Variants in RUBCN observed in about 807,000 individuals in gnomAD.
RUBCN encodes the protein run domain Beclin-1-interacting and cysteine-rich domain-containing protein.
A neutral mutation model predicts 113.2 loss-of-function variants in RUBCN; 74 were observed. That is an observed-to-expected ratio of 0.65 (90% CI 0.54 to 0.79). The LOEUF (loss-of-function observed/expected upper bound fraction) is 0.79, where lower values mean the gene tolerates loss of function less well. Ranked by LOEUF, RUBCN falls within the 30% of genes least tolerant of loss-of-function variation. The pLI, the probability that RUBCN is intolerant of heterozygous loss-of-function variation, is 0.00. For synonymous variants in RUBCN, 480 were observed against 490.0 expected, an observed-to-expected ratio of 0.98 and a Z score of 0.27; for missense variants, 1,109 against 1,251.7, an observed-to-expected ratio of 0.89 and a Z score of 1.72.
At chr3:197,730,369 T>A (rs1213826822) in intron 1 of RUBCN, among the ~76,000 whole-genome samples, 1 of 152,036 alleles carries the variant, frequency 6.6e-6, no homozygotes. Context: ...AGCCCCGGGA[T>A]TTTTGCTTTT....
chr3:197,680,134 G>A (rs1414532262), intron 16 of RUBCN, among the ~76,000 whole-genome samples: 2 of 114,976 alleles, frequency 1.7e-5, no homozygotes, highest in African/African-American at 7.0e-5. Context: ...ACTGTCCTAC[G>A]CTCTGACAAC....
At position 197,670,829 on chromosome 3, in the gene RUBCN, G is replaced by C. The variant is rs974262113; in HGVS notation, c.*4189C>G. Among the ~76,000 whole-genome samples the C allele has an allele frequency of 2.6e-5, 4 of 152,186 alleles. No individual in the cohort carries two copies. Among genetic ancestry groups the C allele is most frequent in the Admixed American group, 2.6e-4 (4 of 15,268 alleles). On this transcript the variant is annotated 3_prime_UTR_variant, in exon 20 of 20. Transcript: ENST00000296343. ...TAATAAAGTGACTGAAGGACATTTG[G>C]GATGTGTGTCCTCTGATGATGACTG...
chr3:197,736,285 T>G (rs1279736232), intron 1 of RUBCN, among the ~76,000 whole-genome samples: 1 of 152,146 alleles, frequency 6.6e-6, no homozygotes, highest in Non-Finnish European at 1.5e-5. Flanking sequence ...CAAGTTTCAG[T>G]CCGGGTGGTG....
Position 197,704,549 on chromosome 3 carries a change from G to C in RUBCN, c.456C>G (p.Phe152Leu). The C allele has an allele frequency of 6.2e-7, 1 of 1,614,210 alleles. No homozygotes were observed. The highest frequency in any genetic ancestry group is 1.7e-4 in the Middle Eastern group (1 of 6,060). ...TAAGTGGCCTCTACCTACCTGTGTA[G>C]AATTTTCTGATATACTGTCTATCCC... ...LLGDRQYIRKFYTDAAFLLSD... is the reference protein window; with the variant it reads ...LLGDRQYIRKLYTDAAFLLSD... The change falls in exon 4 of 20, where the codon TTC (phenylalanine) becomes TTG (leucine). Residue 152 changes from phenylalanine to leucine, a missense_variant. By Grantham distance (22) the Phe-to-Leu change is conservative. Coordinates refer to ENST00000296343, the MANE Select transcript of RUBCN (RefSeq NM_014687.4).
intron 2 of RUBCN, among the ~76,000 whole-genome samples, chr3:197,717,317 G>A (rs964757201): frequency 6.6e-5 from 10 of 152,014 alleles, no homozygotes; most frequent in Non-Finnish European, 1.5e-4. Context: ...GGTGGCGGGC[G>A]CCTGTAGTCC....
chr3:197,694,078 C>G (rs1275644698), intron 10 of RUBCN: 2 of 562,366 alleles, frequency 3.6e-6, no homozygotes, highest in South Asian at 3.1e-5. Flanking sequence ...ATATTTAGAG[C>G]TGGGGTTTCA....
At chr3:197,746,444 T>C (rs1183963145) in intron 1 of RUBCN, among the ~76,000 whole-genome samples, 1 of 152,258 alleles carries the variant, frequency 6.6e-6, no homozygotes, top group African/African-American at 2.4e-5. Context: ...TACAACTACA[T>C]GCTGCTTGAC....
At chr3:197,738,803 G>A (rs931446927), upstream of RUBCN, among the ~76,000 whole-genome samples, 5 of 151,422 alleles carry the variant, frequency 3.3e-5, no homozygotes, top group African/African-American at 1.2e-4. Context: ...TGCTGCCTAA[G>A]CTGGTCTCAA....
Position 197,700,858 on chromosome 3 carries a change from C to G in RUBCN, c.1016G>C (p.Cys339Ser), listed in dbSNP as rs1031101809. The change falls in exon 7 of 20, where the codon TGT becomes TCT. Residue 339 changes from cysteine (C) to serine (S), a missense_variant. This residue lies in a region of RUBCN where 736 missense variants were observed against 779.6 expected (regional missense o/e 0.94). Transcript: ENST00000296343. Reference protein sequence around the residue: ...NLDPRGRTASCQSHSSNAESS... With the variant: ...NLDPRGRTASSQSHSSNAESS... ...CTCGGCATTGCTGCTGTGACTCTGA[C>G]AGCTGGCAGTCCGGCCTCGGGGGTC... The G allele has an allele frequency of 4.3e-6, 7 of 1,614,220 alleles. No homozygotes were observed. Among genetic ancestry groups the G allele is most frequent in the South Asian group, 1.1e-5 (1 of 91,082 alleles).
rs1300255099 is a variant in RUBCN, at chr3:197,673,666, G to C, written c.*1352C>G. 1 of 151,428 alleles carries C rather than the reference G, an allele frequency of 6.6e-6. No homozygotes were observed. Among genetic ancestry groups the C allele is most frequent in the Non-Finnish European group, 1.5e-5 (1 of 68,574 alleles). The allele number at this position is 151,428 out of a possible 1,614,324, so 9.4% of individuals were successfully genotyped here. A position where few individuals can be genotyped will look rare whatever the true frequency, so the allele number is the denominator to read the frequency against. On this transcript the variant is annotated 3_prime_UTR_variant, in exon 20 of 20. Coordinates refer to ENST00000296343, the MANE Select transcript of RUBCN (RefSeq NM_014687.4). Reference sequence around the variant, plus strand: ...ACTGTCAACACACACATTAACGGGGGGGAAGGGGGAGGCAGCACACCAAAA... The same window carrying C: ...ACTGTCAACACACACATTAACGGGGCGGAAGGGGGAGGCAGCACACCAAAA...
chr3:197,712,435 T>C (rs4857587), intron 2 of RUBCN, among the ~76,000 whole-genome samples: 152,267 of 152,306 alleles, frequency 1, 76,115 homozygotes, highest in Middle Eastern at 1. Flanking sequence ...CCCCTCCTCC[T>C]GACGAGGGCA....
Position 197,700,992 on chromosome 3 carries a change from C to T in RUBCN, c.882G>A (p.Met294Ile). The T allele has an allele frequency of 6.2e-7, 1 of 1,614,156 alleles. No individual in the cohort carries two copies. The highest frequency in any genetic ancestry group is 8.5e-7 in the Non-Finnish European group (1 of 1,180,012). ...ARDSPLTPNE[M>I]SSSTLTSPIE... The stretch of plus-strand genomic sequence containing the variant: ...TGGGGCTGGTCAGAGTACTGGAGCT[C>T]ATTTCATTTGGGGTCAAAGGGGAAT... Residue 294 changes from methionine to isoleucine, a missense_variant, in exon 7 of 20, where the codon ATG (methionine) becomes ATA (isoleucine). Physicochemically the swap from Met to Ile is conservative, Grantham distance 10 (BLOSUM62 1). Coordinates refer to ENST00000296343, the MANE Select transcript of RUBCN (RefSeq NM_014687.4).
At chr3:197,676,781 A>G in intron 18 of RUBCN, 104 bp downstream of exon 18, 3 of 1,596,440 alleles carry the variant, frequency 1.9e-6, no homozygotes, top group South Asian at 2.2e-5. Flanking sequence ...CTGACTGGCC[A>G]TTTCAACTTC....
intron 14 of RUBCN, 35 bp downstream of exon 14, chr3:197,682,435 C>T: frequency 6.2e-7 from 1 of 1,613,676 alleles, no homozygotes; most frequent in Non-Finnish European, 8.5e-7. Flanking sequence ...GAGGACGGAT[C>T]TGTGCTCCAA....
chr3:197,686,677 T>C lies in RUBCN; in HGVS notation c.1787-2460A>G, dbSNP rs111425054. On this transcript the variant is annotated intron_variant, in intron 11 of 19. Transcript: ENST00000296343. ...AGAGAGGGGGAGCTGCCCATCTGGA[T>C]GGATTCAACGTGTCCCAAGTGAGAG... 9.8e-5 allele frequency among the ~76,000 whole-genome samples: 15 copies of C among 152,346 alleles called. 1 individual carries two copies. Among genetic ancestry groups the C allele is most frequent in the African/African-American group, 3.1e-4 (13 of 41,578 alleles).
chr3:197,746,612 T>C (rs1196999648), intron 1 of RUBCN, among the ~76,000 whole-genome samples: 1 of 152,220 alleles, frequency 6.6e-6, no homozygotes, highest in African/African-American at 2.4e-5. Flanking sequence ...AAAAAATCAC[T>C]GTTTATCTGA....
Position 197,674,074 on chromosome 3 carries a change from A to G in RUBCN, c.*944T>C, listed in dbSNP as rs557622686. On this transcript the variant is annotated 3_prime_UTR_variant, in exon 20 of 20. Coordinates refer to ENST00000296343, the MANE Select transcript of RUBCN (RefSeq NM_014687.4). The stretch of plus-strand genomic sequence containing the variant: ...AGGACAGAGTCATCAGGGACACGCT[A>G]AGAAGATGGTGGGTGAGGTTCCTGT... 2 of 152,432 alleles carry G rather than the reference A, an allele frequency of 1.3e-5. No homozygotes were observed. Among genetic ancestry groups the G allele is most frequent in the East Asian group, 3.9e-4 (2 of 5,192 alleles). 9.4% of individuals were successfully genotyped at this position (152,432 alleles called of 1,614,324 possible). A position where few individuals can be genotyped will look rare whatever the true frequency, so the allele number is the denominator to read the frequency against.
rs1375492146 is a variant in RUBCN at position 197,681,942 on chromosome 3, G to A, written c.2127-43C>T. 1.7e-5 allele frequency: 25 copies of A among 1,503,000 alleles called. No individual in the cohort carries two copies. The highest frequency in any genetic ancestry group is 4.1e-5 in the African/African-American group (3 of 72,800). 93.1% of individuals were successfully genotyped at this position (1,503,000 alleles called of 1,614,324 possible). A position where few individuals can be genotyped will look rare whatever the true frequency, so the allele number is the denominator to read the frequency against. On this transcript the variant is annotated intron_variant, in intron 14 of 19. Coordinates refer to ENST00000296343, the MANE Select transcript of RUBCN (RefSeq NM_014687.4). This position sits in a 1 kb window ranked among gnomAD's most constrained non-coding sequence, Gnocchi z 5.5. ...CAGGGCATTGGCACAGAGCAGCTGC[G>A]TGAGACCTTGGAGGTGTGAAGGAGT...
At chr3:197,719,351 G>A (rs1166483659) in intron 1 of RUBCN, among the ~76,000 whole-genome samples, 1 of 151,918 alleles carries the variant, frequency 6.6e-6, no homozygotes, top group East Asian at 1.9e-4. Flanking sequence ...GGTGGCACAT[G>A]CCTGTAATCC....
Sources: gnomAD v4.1 joint callset for allele counts (sites outside exome capture counted in the v4.1 genomes callset) on GRCh38, gnomAD v4.1.1 for gene constraint, gnomAD v4.1.1 regional missense constraint, Gnocchi (gnomAD v3.1) non-coding constraint, MANE v1.5 for transcripts, NCBI Gene and HGNC (gene_info 2026-07-23, HGNC 2026-07-21) for gene names.